DCP1A: variants seen among roughly 807,000 people sequenced by gnomAD.
The protein encoded by DCP1A is mRNA-decapping enzyme 1A.
In DCP1A, 20 loss-of-function variants were observed where a neutral mutation model predicts 58.0. The ratio of observed to expected loss-of-function variants is 0.34; its 90% CI spans 0.24 to 0.50. DCP1A has a LOEUF of 0.50. Ranked by LOEUF, DCP1A falls within the 20% of genes least tolerant of loss-of-function variation. DCP1A has a pLI of 0.98. For synonymous variants in DCP1A, 285 were observed against 275.1 expected (o/e 1.04, Z -0.36); for missense variants, 613 against 712.2 (o/e 0.86, Z 1.59).
At chr3:53,313,529 TG>T (rs147916403) in intron 4 of DCP1A, among the ~76,000 whole-genome samples, 22,373 of 152,188 alleles carry the variant, frequency 0.15, 1,755 homozygotes, top group Non-Finnish European at 0.18. Flanking sequence ...AACTGAAAGC[TG>T]GGTGGTAAGC....
chr3:53,327,798 C>A (rs1359595693), intron 3 of DCP1A, among the ~76,000 whole-genome samples: 3 of 80,936 alleles, frequency 3.7e-5, no homozygotes, highest in East Asian at 2.6e-4. Flanking sequence ...CTCAAAAAAA[C>A]AAAACAAAAC....
intron 9 of DCP1A, 49 bp from the exon 10 acceptor site, chr3:53,287,709 T>C: frequency 1.5e-6 from 2 of 1,373,520 alleles, no homozygotes; most frequent in Non-Finnish European, 2.1e-6. Flanking sequence ...ATTTACCTCA[T>C]CAGATTTTAC....
intron 6 of DCP1A, among the ~76,000 whole-genome samples, chr3:53,301,099 C>T (rs1327254718): frequency 1.3e-5 from 2 of 152,164 alleles, no homozygotes; most frequent in African/African-American, 4.8e-5. Flanking sequence ...AGTAAGCCCA[C>T]TGCACACTCC....
intron 6 of DCP1A, among the ~76,000 whole-genome samples, chr3:53,303,244 C>A (rs1553687599): frequency 6.6e-6 from 1 of 151,974 alleles, no homozygotes; most frequent in Non-Finnish European, 1.5e-5. Flanking sequence ...AGCCACTGTG[C>A]CTGTCCAAGG....
At chr3:53,304,931 AG>A (rs1707425229) in intron 5 of DCP1A, among the ~76,000 whole-genome samples, 1 of 152,000 alleles carries the variant, frequency 6.6e-6, no homozygotes. Flanking sequence ...TGAATTTTTA[AG>A]GGGGTGTACA....
At chr3:53,337,020 C>T (rs1181922676) in intron 3 of DCP1A, among the ~76,000 whole-genome samples, 1 of 152,054 alleles carries the variant, frequency 6.6e-6, no homozygotes, top group Non-Finnish European at 1.5e-5. Context: ...CAGGCGTGCA[C>T]CACCATGTCC....
intron 2 of DCP1A, among the ~76,000 whole-genome samples, chr3:53,343,919 C>A (rs2089256093): frequency 6.6e-6 from 1 of 152,052 alleles, no homozygotes; most frequent in Admixed American, 6.6e-5. Context: ...CCGATCCCTT[C>A]CTTTTTAAAA....
chr3:53,294,620 T>G (rs1033173945), intron 6 of DCP1A, among the ~76,000 whole-genome samples: 2 of 152,206 alleles, frequency 1.3e-5, no homozygotes, highest in African/African-American at 2.4e-5. Flanking sequence ...CTCAGGAGGC[T>G]GCAGCGACAC....
At chr3:53,315,607 A>G (rs1003026728) in intron 4 of DCP1A, among the ~76,000 whole-genome samples, 1 of 151,312 alleles carries the variant, frequency 6.6e-6, no homozygotes, top group African/African-American at 2.4e-5. Flanking sequence ...ACAGCTTCTA[A>G]GTTTAGTGGG....
Position 53,332,636 on chromosome 3 carries a change from G to A in DCP1A, c.304+9508C>T, listed in dbSNP as rs563210912. On this transcript the variant is annotated intron_variant, in intron 3 of 9. Coordinates refer to ENST00000610213, the MANE Select transcript of DCP1A (RefSeq NM_018403.7). ...TCCCAGCACTTTGGGAGGCCAAGGC[G>A]GGTGGATCATGAGGTCAGGAGATCG... Among the ~76,000 whole-genome samples the A allele has an allele frequency of 5.9e-5, 9 of 152,112 alleles. No homozygotes were observed. In the South Asian group the frequency reaches 1.5e-3, roughly 25 times the overall value.
In DCP1A at chr3:53,288,511, A is replaced by T. The variant is rs1706730546; in HGVS notation, c.1450-228T>A. Reference sequence around the variant, plus strand: ...CCCATTTATGTAAGAATGTCCTAGAATCATTACGGGAAGCCAAGTCCAACC... The same window carrying T: ...CCCATTTATGTAAGAATGTCCTAGATTCATTACGGGAAGCCAAGTCCAACC... On this transcript the variant is annotated intron_variant, in intron 8 of 9. Coordinates refer to ENST00000610213, the MANE Select transcript of DCP1A (RefSeq NM_018403.7). 3 of 561,632 alleles carry T rather than the reference A, an allele frequency of 5.3e-6. No individual in the cohort carries two copies. In the East Asian group the frequency reaches 9.0e-5, roughly 17 times the overall value. The allele number at this position is 561,632 out of a possible 1,614,324, so 34.8% of individuals were successfully genotyped here. A position where few individuals can be genotyped will look rare whatever the true frequency, so the allele number is the denominator to read the frequency against.
chr3:53,291,261 G>A (rs1374590422), intron 7 of DCP1A, among the ~76,000 whole-genome samples: 4 of 114,172 alleles, frequency 3.5e-5, no homozygotes, highest in Non-Finnish European at 6.4e-5. Flanking sequence ...ATACAGGCAT[G>A]CGATGCATAA....
intron 4 of DCP1A, among the ~76,000 whole-genome samples, chr3:53,316,595 CCT>C (rs1491565260): frequency 8.0e-5 from 9 of 112,780 alleles, no homozygotes; most frequent in African/African-American, 1.1e-4. Context: ...TTTCTTCTTC[CCT>C]TTTTTTTTTT....
intron 2 of DCP1A, among the ~76,000 whole-genome samples, chr3:53,343,128 G>A (rs1475311992): frequency 3.9e-5 from 6 of 152,094 alleles, no homozygotes; most frequent in Admixed American, 6.6e-5. Flanking sequence ...CGATATACCC[G>A]GGGTGTTAAC....
intron 2 of DCP1A, among the ~76,000 whole-genome samples, chr3:53,343,098 G>A (rs1399610319): frequency 6.6e-6 from 1 of 152,140 alleles, no homozygotes; most frequent in Admixed American, 6.5e-5. Context: ...ACACTTCACC[G>A]TTTTTCATTT....
intron 2 of DCP1A, among the ~76,000 whole-genome samples, chr3:53,342,822 A>C (rs1240124817): frequency 6.6e-6 from 1 of 152,170 alleles, no homozygotes; most frequent in Non-Finnish European, 1.5e-5. Flanking sequence ...CTAGGATGTA[A>C]GCCCCATGCA....
intron 4 of DCP1A, among the ~76,000 whole-genome samples, chr3:53,312,782 C>T (rs578124276): frequency 1.3e-5 from 2 of 152,246 alleles, no homozygotes; most frequent in East Asian, 1.9e-4. Flanking sequence ...TGAGCCACCG[C>T]GCCCAGCCGA....
At chr3:53,297,360 T>TC (rs1707162555) in intron 6 of DCP1A, among the ~76,000 whole-genome samples, 1 of 151,434 alleles carries the variant, frequency 6.6e-6, no homozygotes, top group Non-Finnish European at 1.5e-5. Context: ...ACTAATTCTT[T>TC]TTTTTTTTTT....
At chr3:53,322,549 ATAT>A (rs1218304884) in intron 3 of DCP1A, among the ~76,000 whole-genome samples, 4 of 151,998 alleles carry the variant, frequency 2.6e-5, no homozygotes, top group African/African-American at 9.7e-5. Context: ...GTTAATGAAA[ATAT>A]TATTGATACA....
Sources: allele counts gnomAD v4.1 joint callset (sites outside exome capture counted in the v4.1 genomes callset), GRCh38; gene constraint gnomAD v4.1.1; transcripts MANE v1.5; gene names NCBI Gene and HGNC (gene_info 2026-07-23, HGNC 2026-07-21).